Variants in BCL6 observed in about 807,000 individuals in gnomAD.
BCL6 encodes the protein BCL6 transcription repressor, also known as B-cell lymphoma 6 protein.
A neutral mutation model predicts 59.5 loss-of-function variants in BCL6; 7 were observed. The ratio of observed to expected loss-of-function variants is 0.12; its 90% CI spans 0.07 to 0.22. The LOEUF (loss-of-function observed/expected upper bound fraction) is 0.22, where lower values mean the gene tolerates loss of function less well. Ranked by LOEUF, BCL6 falls within the 10% of genes least tolerant of loss-of-function variation. BCL6 has a pLI of 1.00. For missense variants in BCL6, 685 were observed against 939.4 expected (o/e 0.73, Z 3.54); for synonymous variants, 339 against 349.7 (o/e 0.97, Z 0.34).
intron 1 of BCL6, among the ~76,000 whole-genome samples, chr3:187,744,708 C>A (rs562570927): frequency 2.0e-5 from 3 of 152,056 alleles, no homozygotes; most frequent in South Asian, 2.1e-4. Context: ...GAGCGGGCAG[C>A]CTCCCTTTTT....
intron 1 of BCL6, among the ~76,000 whole-genome samples, chr3:187,744,590 A>T (rs1188325302): frequency 6.6e-6 from 1 of 152,250 alleles, no homozygotes; most frequent in African/African-American, 2.4e-5. Context: ...AAACAAAAAC[A>T]AAAACCCAAA....
At position 187,728,421 on chromosome 3, in the gene BCL6, A is replaced by C; in HGVS notation, c.1479T>G (p.Ala493=). The change falls in exon 6 of 10, where the codon GCT becomes GCG. Residue 493 remains alanine, a synonymous_variant. Transcript: ENST00000406870. ...PQHAEMCLHT[A]GPTFPEEMGE... is the part of the protein sequence containing the mutation. ...CCATCTCCTCAGGGAACGTGGGGCC[A>C]GCGGTGTGGAGGCACATCTCTGCAT... The C allele has an allele frequency of 3.1e-6, 5 of 1,612,116 alleles. No individual in the cohort carries two copies. The highest frequency in any genetic ancestry group is 4.2e-6 in the Non-Finnish European group (5 of 1,179,294).
At chr3:187,739,448 G>A (rs1387248729) in intron 1 of BCL6, among the ~76,000 whole-genome samples, 1 of 152,206 alleles carries the variant, frequency 6.6e-6, no homozygotes, top group Non-Finnish European at 1.5e-5. Context: ...GGGAACGGGA[G>A]GGTGCAGGAG....
At chr3:187,739,538 G>A (rs1244282800) in intron 1 of BCL6, among the ~76,000 whole-genome samples, 1 of 152,230 alleles carries the variant, frequency 6.6e-6, no homozygotes, top group African/African-American at 2.4e-5. Flanking sequence ...CGGGGACATT[G>A]TGTCCTGACT....
rs1173751375 is a variant in BCL6 at position 187,745,418 on chromosome 3, C to T, written c.-58G>A. On this transcript the variant is annotated 5_prime_UTR_variant, in exon 1 of 10. Transcript: ENST00000406870. ...GCAACAGCAATAATCACCTGGTGTC[C>T]GGCCTTTCCTAGAAACTTCTTGCAT... The T allele has an allele frequency of 2.8e-5, 11 of 399,910 alleles. No individual in the cohort carries two copies. Among genetic ancestry groups the T allele is most frequent in the Non-Finnish European group, 4.9e-5 (11 of 226,522 alleles). 24.8% of individuals were successfully genotyped at this position (399,910 alleles called of 1,614,324 possible). A position where few individuals can be genotyped will look rare whatever the true frequency, so the allele number is the denominator to read the frequency against.
At chr3:187,744,769 A>C (rs1711818214) in intron 1 of BCL6, among the ~76,000 whole-genome samples, 1 of 152,108 alleles carries the variant, frequency 6.6e-6, no homozygotes, top group South Asian at 2.1e-4. Context: ...AGAAGAGGCG[A>C]GGAAAAAGAG....
chr3:187,725,801 G>T lies in BCL6; in HGVS notation c.1709-172C>A, dbSNP rs1191617767. 6.6e-6 allele frequency among the ~76,000 whole-genome samples: 1 copy of T among 152,214 alleles called. No individual in the cohort carries two copies. The highest frequency in any genetic ancestry group is 1.5e-5 in the Non-Finnish European group (1 of 68,036). On this transcript the variant is annotated intron_variant, in intron 7 of 9. Coordinates refer to ENST00000406870, the MANE Select transcript of BCL6 (RefSeq NM_001706.5). This position sits in a 1 kb window ranked among gnomAD's most constrained non-coding sequence, Gnocchi z 4.7. ...CAGGGGCCTGCCCCCACATCTGTCA[G>T]CCCTCTCTCACACACGCACCTGCAT...
chr3:187,738,976 T>C (rs1391365136), intron 1 of BCL6, among the ~76,000 whole-genome samples: 1 of 152,046 alleles, frequency 6.6e-6, no homozygotes, highest in Admixed American at 6.5e-5. Flanking sequence ...CCGAATGGTG[T>C]TTTTACCGCT....
In BCL6 at chr3:187,729,898, CAGTGGCAGG is replaced by C. The variant is rs774635630; in HGVS notation, c.498_506del (p.Asn166_Leu169delinsLys). The C allele has an allele frequency of 1.2e-6, 2 of 1,614,144 alleles. No homozygotes were observed. The highest frequency in any genetic ancestry group is 2.2e-5 in the South Asian group (2 of 91,060). On this transcript the variant is annotated inframe_deletion, in exon 5 of 10. Coordinates refer to ENST00000406870, the MANE Select transcript of BCL6 (RefSeq NM_001706.5). The surrounding 1 kb of genome is among the most constrained non-coding windows in gnomAD (Gnocchi z 5.6). ...TGCTCTCACACCCAGGGGCGCTCCT[CAGTGGCAGG>C]TTGTTCTCCACCACCTCACGACCCC...
At position 187,729,856 on chromosome 3, in the gene BCL6, G is replaced by C. The variant is rs771608305; in HGVS notation, c.549C>G (p.Ser183Arg). ...PGCESRAFAPSLYSGLSTPPA... is the reference protein window; with the variant it reads ...PGCESRAFAPRLYSGLSTPPA... ...GCGGTGTGGACAGGCCACTGTACAG[G>C]CTGGGGGCAAAGGCTCTGCTCTCAC... The change falls in exon 5 of 10, where the codon AGC becomes AGG. Residue 183 changes from serine (S) to arginine (R), a missense_variant. This residue lies in a region of BCL6 where 268 missense variants were observed against 263.8 expected (regional missense o/e 1.02). Transcript: ENST00000406870. The surrounding 1 kb of genome is among the most constrained non-coding windows in gnomAD (Gnocchi z 5.6). 6.2e-7 allele frequency: 1 copy of C among 1,614,088 alleles called. No individual in the cohort carries two copies. The highest frequency in any genetic ancestry group is 8.5e-7 in the Non-Finnish European group (1 of 1,180,002).
chr3:187,742,186 C>T (rs552265438), intron 1 of BCL6, among the ~76,000 whole-genome samples: 79 of 152,250 alleles, frequency 5.2e-4, no homozygotes, highest in African/African-American at 1.9e-3. Flanking sequence ...AATAGTTTCA[C>T]CCACCGAGGG....
intron 1 of BCL6, among the ~76,000 whole-genome samples, chr3:187,744,179 C>G (rs1711755786): frequency 1.3e-5 from 2 of 152,170 alleles, no homozygotes; most frequent in African/African-American, 2.4e-5. Flanking sequence ...GGAGCCAACA[C>G]AGAGTCACGC....
At chr3:187,743,449 T>C (rs1395689388) in intron 1 of BCL6, among the ~76,000 whole-genome samples, 1 of 151,996 alleles carries the variant, frequency 6.6e-6, no homozygotes, top group Non-Finnish European at 1.5e-5. Context: ...TCTGCTCAAC[T>C]GTCAGGACCC....
At chr3:187,744,496 C>G (rs1711784619) in intron 1 of BCL6, among the ~76,000 whole-genome samples, 1 of 152,074 alleles carries the variant, frequency 6.6e-6, no homozygotes, top group East Asian at 2.0e-4. Flanking sequence ...AACACCAAAA[C>G]ACTCGGCTCT....
chr3:187,732,587 T>C (rs1490444406), intron 3 of BCL6, among the ~76,000 whole-genome samples: 1 of 152,210 alleles, frequency 6.6e-6, no homozygotes, highest in East Asian at 1.9e-4. Context: ...GATTCTACTT[T>C]TTCTGAGTGG....
rs528560610 is a variant in BCL6 at position 187,742,195 on chromosome 3, G to T, written c.-50+3215C>A. Among the ~76,000 whole-genome samples the T allele has an allele frequency of 6.6e-5, 10 of 152,198 alleles. No individual in the cohort carries two copies. In the South Asian group the frequency reaches 2.1e-3, roughly 32 times the overall value. ...TTTGCCAATAGTTTCACCCACCGAGGGGTGGCGCTGCTGCACCGCCTCCTC... is the reference window on the plus strand; with the variant it reads ...TTTGCCAATAGTTTCACCCACCGAGTGGTGGCGCTGCTGCACCGCCTCCTC... On this transcript the variant is annotated intron_variant, in intron 1 of 9. Transcript: ENST00000406870.
rs1458144915 is a variant in BCL6 at position 187,725,361 on chromosome 3, C to T, written c.1839+138G>A. 1 of 1,494,488 alleles carries T rather than the reference C, an allele frequency of 6.7e-7. No individual in the cohort carries two copies. The highest frequency in any genetic ancestry group is 2.4e-4 in the Middle Eastern group (1 of 4,100). 92.6% of individuals were successfully genotyped at this position (1,494,488 alleles called of 1,614,324 possible). A position where few individuals can be genotyped will look rare whatever the true frequency, so the allele number is the denominator to read the frequency against. On this transcript the variant is annotated intron_variant, in intron 8 of 9. Coordinates refer to ENST00000406870, the MANE Select transcript of BCL6 (RefSeq NM_001706.5). This position sits in a 1 kb window ranked among gnomAD's most constrained non-coding sequence, Gnocchi z 4.7. ...GGGACTGAGTGGGACTTTCTCCTGC[C>T]CGCTCTGCTCACCTGCCCGCTCCGC...
chr3:187,735,299 C>A (rs546205566), intron 1 of BCL6, among the ~76,000 whole-genome samples: 2 of 152,296 alleles, frequency 1.3e-5, no homozygotes, highest in Non-Finnish European at 2.9e-5. Context: ...TGGCCTAAAA[C>A]CACTGGACGT....
chr3:187,728,921 T>G, intron 5 of BCL6, 129 bp downstream of exon 5: 1 of 1,277,874 alleles, frequency 7.8e-7, no homozygotes. Flanking sequence ...TTACTCAGAC[T>G]AACTCAATCT....
Sources: allele counts gnomAD v4.1 joint callset (sites outside exome capture counted in the v4.1 genomes callset), GRCh38; gene constraint gnomAD v4.1.1; regional missense constraint gnomAD v4.1.1; non-coding constraint Gnocchi (gnomAD v3.1); transcripts MANE v1.5; gene names NCBI Gene and HGNC (gene_info 2026-07-23, HGNC 2026-07-21).